Variants in PIK3C2A observed in about 807,000 individuals in gnomAD.
PIK3C2A encodes phosphatidylinositol-4-phosphate 3-kinase catalytic subunit type 2 alpha.
In PIK3C2A, 97 loss-of-function variants were observed where a neutral mutation model predicts 204.5. That is an observed-to-expected ratio of 0.47 (90% CI 0.40 to 0.56). PIK3C2A has a LOEUF of 0.56. Ranked by LOEUF, PIK3C2A falls within the 20% of genes least tolerant of loss-of-function variation. PIK3C2A has a pLI of 0.00. For missense variants in PIK3C2A, 1,735 were observed against 1,969.2 expected (o/e 0.88, Z 2.25); for synonymous variants, 653 against 664.4 (o/e 0.98, Z 0.26).
intron 8 of PIK3C2A, among the ~76,000 whole-genome samples, chr11:17,143,710 GT>G (rs1277807711): frequency 2.0e-5 from 3 of 152,104 alleles, no homozygotes; most frequent in Non-Finnish European, 4.4e-5. Context: ...GCCAAGGCGA[GT>G]GGATCACTTG....
chr11:17,158,194 C>A (rs1452801618), intron 2 of PIK3C2A, among the ~76,000 whole-genome samples: 1 of 151,652 alleles, frequency 6.6e-6, no homozygotes, highest in East Asian at 1.9e-4. Context: ...ACTAAAAATA[C>A]AAAATTAGCC....
At chr11:17,206,633 TA>T (rs1355796563) in intron 1 of PIK3C2A, among the ~76,000 whole-genome samples, 2 of 150,150 alleles carry the variant, frequency 1.3e-5, no homozygotes, top group Non-Finnish European at 3.0e-5. Flanking sequence ...GCAGAGCTGC[TA>T]AAGGAGTCTC....
At position 17,119,905 on chromosome 11, in the gene PIK3C2A, A is replaced by T. The variant is rs1849318589; in HGVS notation, c.2727T>A (p.Leu909=). 1.2e-6 allele frequency: 2 copies of T among 1,611,448 alleles called. No individual in the cohort carries two copies. The highest frequency in any genetic ancestry group is 1.7e-5 in the Admixed American group (1 of 59,650). ...RYYCFKHPNC[L]PKILASAPNW... is the part of the protein sequence containing the mutation. ...TTGGGGCGCTTGCTAATATTTTAGG[A>T]AGACAATTTGGGTGTTTGAAGCAAT... The change falls in exon 16 of 33, where the codon CTT becomes CTA. Residue 909 remains leucine (L), a synonymous_variant. Transcript: ENST00000691414.
intron 2 of PIK3C2A, among the ~76,000 whole-genome samples, chr11:17,165,670 G>A (rs1214000948): frequency 6.6e-6 from 1 of 151,454 alleles, no homozygotes; most frequent in Non-Finnish European, 1.5e-5. Flanking sequence ...AGCTACTCGG[G>A]AGGCTGAGGC....
chr11:17,205,987 G>T (rs1021355940), intron 1 of PIK3C2A, among the ~76,000 whole-genome samples: 11 of 152,264 alleles, frequency 7.2e-5, no homozygotes, highest in African/African-American at 2.6e-4. Context: ...GCCATGTGTG[G>T]TGGCGCGTGC....
intron 1 of PIK3C2A, among the ~76,000 whole-genome samples, chr11:17,194,640 T>C (rs2137562767): frequency 6.6e-6 from 1 of 152,328 alleles, no homozygotes; most frequent in South Asian, 2.1e-4. Flanking sequence ...CCTGGCGCAG[T>C]GGCTCATGCC....
At chr11:17,188,729 A>G (rs1274134694) in intron 1 of PIK3C2A, among the ~76,000 whole-genome samples, 1 of 146,862 alleles carries the variant, frequency 6.8e-6, no homozygotes, top group Non-Finnish European at 1.5e-5. Context: ...AGATCAGAAG[A>G]ACTGAAAGAG....
Position 17,107,923 on chromosome 11 carries a change from G to C in PIK3C2A, c.3544+2509C>G, listed in dbSNP as rs368171941. Among the ~76,000 whole-genome samples, 7 of 152,328 alleles carry C rather than the reference G, an allele frequency of 4.6e-5. No individual in the cohort carries two copies. The South Asian group carries it at 8.3e-4, about 18-fold the overall frequency. On this transcript the variant is annotated intron_variant, in intron 22 of 32. Transcript: ENST00000691414. ...GTCTCACTCTGTTTTCCAGGCTGGA[G>C]TGCAGTGGCGCCACCTGGGCTCACT... is the stretch of plus-strand genomic sequence containing the variant.
chr11:17,122,673 CCT>C (rs768177139), intron 14 of PIK3C2A, 27 bp downstream of exon 14: 3 of 969,864 alleles, frequency 3.1e-6, no homozygotes, highest in Middle Eastern at 2.0e-4. Context: ...TAAATGTACA[CCT>C]CTCTACATGT....
intron 15 of PIK3C2A, among the ~76,000 whole-genome samples, chr11:17,121,104 T>C (rs1052893996): frequency 2.0e-5 from 3 of 152,040 alleles, no homozygotes; most frequent in African/African-American, 7.3e-5. Flanking sequence ...TTCCAATCAA[T>C]TTTTCTTTTC....
At chr11:17,114,915 T>C (rs1396724335) in intron 19 of PIK3C2A, among the ~76,000 whole-genome samples, 2 of 152,176 alleles carry the variant, frequency 1.3e-5, no homozygotes, top group African/African-American at 4.8e-5. Context: ...CTGTAGGAAT[T>C]TTCTGAAAGA....
chr11:17,206,930 T>C (rs906385033), intron 1 of PIK3C2A, among the ~76,000 whole-genome samples: 32 of 152,228 alleles, frequency 2.1e-4, no homozygotes, highest in African/African-American at 7.7e-4. Context: ...TTCGTTTCAC[T>C]TAATTCAAAC....
rs1040207651 is a variant in PIK3C2A at position 17,136,583 on chromosome 11, T to C, written c.1747A>G (p.Lys583Glu). ...ACACCATCTAAAGCACTACAGATTT[T>C]TCTTACAGCTTTAATTACTTGATCT... ...AVDQVIKAVR[K>E]ICSALDGVET... Residue 583 changes from lysine (K) to glutamate (E), a missense_variant, in exon 9 of 33, where the codon AAA (lysine) becomes GAA (glutamate). This residue lies in a region of PIK3C2A where 106 missense variants were observed against 108.2 expected (regional missense o/e 0.98). Transcript: ENST00000691414. The C allele has an allele frequency of 5.0e-6, 8 of 1,595,510 alleles. No homozygotes were observed. The highest frequency in any genetic ancestry group is 6.9e-6 in the Non-Finnish European group (8 of 1,164,652).
intron 1 of PIK3C2A, among the ~76,000 whole-genome samples, chr11:17,186,380 C>T (rs192322294): frequency 1.1e-3 from 173 of 152,060 alleles, no homozygotes; most frequent in African/African-American, 4.0e-3. Context: ...GCTATAAATT[C>T]CATGAAGCTG....
chr11:17,102,957 C>T (rs1848690534), intron 23 of PIK3C2A, 126 bp from the exon 24 acceptor site: 4 of 603,384 alleles, frequency 6.6e-6, no homozygotes, highest in Non-Finnish European at 1.1e-5. Context: ...CAATAGCATA[C>T]AAACTGGGAT....
intron 27 of PIK3C2A, among the ~76,000 whole-genome samples, chr11:17,096,778 C>CT (rs1288512663): frequency 3.3e-5 from 5 of 152,126 alleles, no homozygotes; most frequent in African/African-American, 9.7e-5. Flanking sequence ...GGAATAGGAA[C>CT]TTTGACTTTT....
At chr11:17,163,307 C>CA (rs1319368478) in intron 2 of PIK3C2A, among the ~76,000 whole-genome samples, 5 of 151,920 alleles carry the variant, frequency 3.3e-5, no homozygotes, top group African/African-American at 4.8e-5. Context: ...GACCCTGTTT[C>CA]AAAAAAACAA....
chr11:17,098,176 CAA>C (rs2137276778), intron 26 of PIK3C2A, among the ~76,000 whole-genome samples: 1 of 152,322 alleles, frequency 6.6e-6, no homozygotes, highest in South Asian at 2.1e-4. Context: ...GAGAGAATCT[CAA>C]ACACAGGCTT....
At chr11:17,102,309 C>CAT (rs1848662812) in intron 24 of PIK3C2A, among the ~76,000 whole-genome samples, 1 of 152,026 alleles carries the variant, frequency 6.6e-6, no homozygotes. Context: ...TGGTGGCGGG[C>CAT]GCCTGTAGTC....
Sources: gnomAD v4.1 joint callset for allele counts (sites outside exome capture counted in the v4.1 genomes callset) on GRCh38, gnomAD v4.1.1 for gene constraint, gnomAD v4.1.1 regional missense constraint, MANE v1.5 for transcripts, NCBI Gene and HGNC (gene_info 2026-07-23, HGNC 2026-07-21) for gene names.